The following ABCB5 variants were observed in gnomAD, a reference collection of about 807,000 sequenced individuals.
ABCB5 encodes the protein ATP binding cassette subfamily B member 5.
Under a neutral mutation model 144.2 loss-of-function variants are expected in ABCB5, and 155 were observed. The observed-to-expected ratio is 1.08, with a 90% CI of 0.94 to 1.23. The LOEUF is 1.23. Among genes scored for constraint, ABCB5 ranks in the 50% most tolerant of loss-of-function variants. The pLI is 0.00. For missense variants in ABCB5, 1,830 were observed against 1,520.8 expected, an observed-to-expected ratio of 1.20 and a Z score of -3.38; for synonymous variants, 610 against 528.6, an observed-to-expected ratio of 1.15 and a Z score of -2.11.
chr7:20,664,047 A>T (rs1177208340), intron 14 of ABCB5, among the ~76,000 whole-genome samples: 1 of 151,320 alleles, frequency 6.6e-6, no homozygotes, highest in African/African-American at 2.4e-5. Context: ...CCAAAAAGAG[A>T]GAGAGAGAGA....
intron 3 of ABCB5, among the ~76,000 whole-genome samples, chr7:20,627,964 C>G (rs1342074985): frequency 6.6e-6 from 1 of 152,124 alleles, no homozygotes. Context: ...TCTGACCTGA[C>G]TTGTGTCAGG....
intron 25 of ABCB5, 57 bp from the exon 26 acceptor site, chr7:20,745,175 G>A (rs1482314376): frequency 3.3e-6 from 5 of 1,529,360 alleles, no homozygotes; most frequent in Admixed American, 1.7e-5. Flanking sequence ...ACAGTGAACT[G>A]TAACATGATA....
chr7:20,708,105 TA>T (rs1562571726), intron 20 of ABCB5, among the ~76,000 whole-genome samples: 1 of 152,130 alleles, frequency 6.6e-6, no homozygotes. Flanking sequence ...CGCCCGGCGG[TA>T]ACCTCATTTC....
chr7:20,661,517 T>C (rs1785000798), intron 14 of ABCB5, among the ~76,000 whole-genome samples: 1 of 149,502 alleles, frequency 6.7e-6, no homozygotes, highest in Non-Finnish European at 1.5e-5. Flanking sequence ...AATATTCTTT[T>C]TTGCTTTCTT....
chr7:20,723,139 G>C lies in ABCB5; in HGVS notation c.2545G>C (p.Ala849Pro). Residue 849 changes from alanine to proline, a missense_variant, in exon 21 of 28, where the codon GCC becomes CCC. Transcript: ENST00000404938. ...FLILSIAPVL[A>P]VTGMIETAAM... is the part of the protein sequence containing the mutation. Reference sequence around the variant, plus strand: ...GATTCTGAGTATTGCTCCAGTACTTGCCGTGACAGGAATGATTGAAACCGC... The same window carrying C: ...GATTCTGAGTATTGCTCCAGTACTTCCCGTGACAGGAATGATTGAAACCGC... 1 of 1,614,126 alleles carries C rather than the reference G, an allele frequency of 6.2e-7. No individual in the cohort carries two copies. Among genetic ancestry groups the C allele is most frequent in the Non-Finnish European group, 8.5e-7 (1 of 1,180,026 alleles).
At position 20,727,117 on chromosome 7, in the gene ABCB5, A is replaced by G. The variant is rs777425070; in HGVS notation, c.2703A>G (p.Glu901=). The G allele has an allele frequency of 2.5e-6, 4 of 1,613,484 alleles. No individual in the cohort carries two copies. The highest frequency in any genetic ancestry group is 1.1e-5 in the South Asian group (1 of 91,060). The change falls in exon 22 of 28, where the codon GAA becomes GAG. Residue 901 remains glutamate, a synonymous_variant. Transcript: ENST00000404938. ...TREKAFEQMY[E]EMLQTQHRNT... The stretch of plus-strand genomic sequence containing the variant: ...AAAAAGCCTTCGAGCAAATGTATGA[A>G]GAGATGCTTCAGACTCAACACAGGT...
chr7:20,651,917 T>C (rs1337230537), intron 13 of ABCB5, among the ~76,000 whole-genome samples: 1 of 152,166 alleles, frequency 6.6e-6, no homozygotes, highest in Non-Finnish European at 1.5e-5. Context: ...CTTCTTTCAA[T>C]GTGGCCCAGG....
Position 20,700,477 on chromosome 7 carries a change from C to A in ABCB5, c.2337+342C>A, listed in dbSNP as rs561122601. On this transcript the variant is annotated intron_variant, in intron 19 of 27. Transcript: ENST00000404938. Reference sequence around the variant, plus strand: ...AAAGGAGAAGTAAGAGCTACCATATCTTGGGAATGTATCTGAAAAGAAGTT... The same window carrying A: ...AAAGGAGAAGTAAGAGCTACCATATATTGGGAATGTATCTGAAAAGAAGTT... Among the ~76,000 whole-genome samples, 4 of 152,328 alleles carry A rather than the reference C, an allele frequency of 2.6e-5. No homozygotes were observed. The South Asian group carries it at 8.3e-4, about 32-fold the overall frequency.
chr7:20,732,130 C>A (rs1782241114), intron 23 of ABCB5, among the ~76,000 whole-genome samples: 1 of 152,204 alleles, frequency 6.6e-6, no homozygotes. Flanking sequence ...TACTCATCAG[C>A]CCCACACTTG....
chr7:20,703,211 A>C (rs1422682574), intron 19 of ABCB5, among the ~76,000 whole-genome samples: 1 of 152,242 alleles, frequency 6.6e-6, no homozygotes, highest in Admixed American at 6.5e-5. Flanking sequence ...AGAACCAATT[A>C]GAAAATACAT....
intron 14 of ABCB5, among the ~76,000 whole-genome samples, chr7:20,668,535 C>A (rs1298224991): frequency 2.6e-5 from 4 of 152,044 alleles, no homozygotes; most frequent in South Asian, 4.2e-4. Flanking sequence ...GCAGCCACCC[C>A]GTCTGGGAAA....
chr7:20,751,467 T>TA (rs1045636551), intron 26 of ABCB5, among the ~76,000 whole-genome samples: 16 of 151,876 alleles, frequency 1.1e-4, no homozygotes, highest in Non-Finnish European at 1.8e-4. Context: ...CGAGACTCCG[T>TA]AAAAAAATAA....
In ABCB5 at chr7:20,667,038, G is replaced by C. The variant is rs374527363; in HGVS notation, c.1707+8362G>C. On this transcript the variant is annotated intron_variant, in intron 14 of 27. Coordinates refer to ENST00000404938, the MANE Select transcript of ABCB5 (RefSeq NM_001163941.2). The stretch of plus-strand genomic sequence containing the variant: ...TAGGTCACATGAATGATCTAGTAGA[G>C]ATGTATTTTTCTAGTACACTTGATA... 6.9e-5 allele frequency: 39 copies of C among 561,412 alleles called. 1 individual carries two copies. The Admixed American group carries it at 9.7e-4, about 14-fold the overall frequency. 34.8% of individuals were successfully genotyped at this position (561,412 alleles called of 1,614,324 possible).
At chr7:20,725,134 C>T (rs1781995182) in intron 21 of ABCB5, among the ~76,000 whole-genome samples, 1 of 152,206 alleles carries the variant, frequency 6.6e-6, no homozygotes, top group Non-Finnish European at 1.5e-5. Flanking sequence ...CAACAAACAA[C>T]TCTAATCAAA....
chr7:20,731,229 C>T (rs776426529), intron 23 of ABCB5, among the ~76,000 whole-genome samples: 3 of 151,634 alleles, frequency 2.0e-5, no homozygotes, highest in Non-Finnish European at 4.4e-5. Context: ...TGGTGGGCGC[C>T]TGTAATCCCA....
intron 16 of ABCB5, among the ~76,000 whole-genome samples, chr7:20,689,494 C>T (rs1042310266): frequency 6.6e-6 from 1 of 152,176 alleles, no homozygotes; most frequent in Non-Finnish European, 1.5e-5. Context: ...GAGTCTAGGG[C>T]AGTTCTGCAT....
At chr7:20,672,824 A>C (rs1235551833) in intron 14 of ABCB5, among the ~76,000 whole-genome samples, 1 of 152,084 alleles carries the variant, frequency 6.6e-6, no homozygotes, top group Non-Finnish European at 1.5e-5. Context: ...CTTTGTAAAA[A>C]ATCAGTTGTT....
intron 16 of ABCB5, among the ~76,000 whole-genome samples, chr7:20,696,994 T>C (rs59582697): frequency 6.6e-6 from 1 of 152,160 alleles, no homozygotes; most frequent in Non-Finnish European, 1.5e-5. Flanking sequence ...ATGTTAAACC[T>C]TAATCTCCTT....
chr7:20,729,310 T>C (rs551635786), intron 23 of ABCB5, among the ~76,000 whole-genome samples: 2 of 152,316 alleles, frequency 1.3e-5, no homozygotes, highest in South Asian at 4.2e-4. Context: ...ATTCATCCCT[T>C]AGGAAATTTG....
Sources: gnomAD v4.1 joint callset for allele counts (sites outside exome capture counted in the v4.1 genomes callset) on GRCh38, gnomAD v4.1.1 for gene constraint, MANE v1.5 for transcripts, NCBI Gene and HGNC (gene_info 2026-07-23, HGNC 2026-07-21) for gene names.